The following OPRM1 variants were observed in gnomAD, a reference collection of about 807,000 sequenced individuals.
OPRM1 encodes mu-type opioid receptor.
Under a neutral mutation model 31.8 loss-of-function variants are expected in OPRM1, and 27 were observed. The ratio of observed to expected loss-of-function variants is 0.85; its 90% CI spans 0.63 to 1.17. The LOEUF (loss-of-function observed/expected upper bound fraction) is 1.17. Among genes scored for constraint, OPRM1 ranks in the 50% most tolerant of loss-of-function variants. The pLI, the probability that OPRM1 is intolerant of heterozygous loss-of-function variation, is 0.00. For missense variants in OPRM1, 536 were observed against 511.1 expected (o/e 1.05, Z -0.47); for synonymous variants, 196 against 189.9 (o/e 1.03, Z -0.26).
chr6:154,058,470 A>G (rs943268966), intron 1 of OPRM1, among the ~76,000 whole-genome samples: 2 of 152,230 alleles, frequency 1.3e-5, no homozygotes, highest in African/African-American at 4.8e-5. Flanking sequence ...TTTCAGAACA[A>G]TCACAGGTCA....
upstream of OPRM1, chr6:154,039,227 C>G (rs766256639): frequency 6.4e-7 from 1 of 1,551,746 alleles, no homozygotes; most frequent in Non-Finnish European, 8.7e-7. Context: ...GCAAAATCCA[C>G]CCCTTTTCCC....
chr6:154,107,968 A>G (rs534718488), intron 3 of OPRM1: 16 of 589,602 alleles, frequency 2.7e-5, no homozygotes, highest in African/African-American at 1.5e-4. Context: ...ATTTTATTTT[A>G]TTTTATTTTA....
rs1181947981 is a variant in OPRM1 at position 154,122,746 on chromosome 6, C to A, written c.*4025C>A. Among the ~76,000 whole-genome samples, 1 of 152,152 alleles carries A rather than the reference C, an allele frequency of 6.6e-6. No homozygotes were observed. The highest frequency in any genetic ancestry group is 1.9e-4 in the East Asian group (1 of 5,204). ...TTTTGTTATGCAATATCACCCATAT[C>A]AAATACCATTCTTAAAGCAGTAGAC... On this transcript the variant is annotated 3_prime_UTR_variant, in exon 4 of 4. Transcript: ENST00000330432.
At position 154,077,710 on chromosome 6, in the gene OPRM1, G is replaced by A. The variant is rs549781629; in HGVS notation, c.291-12116G>A. On this transcript the variant is annotated intron_variant, in intron 1 of 3. Coordinates refer to ENST00000330432, the MANE Select transcript of OPRM1 (RefSeq NM_000914.5). ...AGCACCACTGCACTCCAGCCTGGGC[G>A]ACAAAGTGAGATTCCATCTAAAAAA... Among the ~76,000 whole-genome samples, 419 of 151,864 alleles carry A rather than the reference G, an allele frequency of 2.8e-3. 10 individuals carry two copies. Among genetic ancestry groups the A allele is most frequent in the Non-Finnish European group, 5.4e-4 (37 of 67,942 alleles).
At chr6:154,066,939 T>G (rs1037424203) in intron 1 of OPRM1, among the ~76,000 whole-genome samples, 3 of 152,190 alleles carry the variant, frequency 2.0e-5, no homozygotes, top group Non-Finnish European at 4.4e-5. Context: ...TTCATCCAGA[T>G]TATCCAATTT....
intron 3 of OPRM1, chr6:154,110,496 T>A: frequency 1.2e-6 from 1 of 866,794 alleles, no homozygotes; most frequent in Non-Finnish European, 1.9e-6. Context: ...GGAGACCATT[T>A]GTGTGAGTTT....
chr6:154,174,226 T>C (rs1800111663), intron 3 of OPRM1, among the ~76,000 whole-genome samples: 2 of 152,094 alleles, frequency 1.3e-5, no homozygotes, highest in South Asian at 4.1e-4. Context: ...ACATGCCAAA[T>C]TGTAAAGACC....
chr6:154,138,469 G>C (rs1798113992), intron 3 of OPRM1, among the ~76,000 whole-genome samples: 1 of 152,168 alleles, frequency 6.6e-6, no homozygotes, highest in African/African-American at 2.4e-5. Flanking sequence ...AGTCCTCCCG[G>C]TAAGGCTCAT....
intron 3 of OPRM1, chr6:154,110,598 G>A (rs1342177540): frequency 9.2e-6 from 5 of 546,032 alleles, no homozygotes; most frequent in African/African-American, 5.8e-5. Flanking sequence ...TCAAGAATTA[G>A]GACTCATTGG....
chr6:154,115,291 G>A (rs2128521499), intron 3 of OPRM1, among the ~76,000 whole-genome samples: 1 of 152,334 alleles, frequency 6.6e-6, no homozygotes, highest in Middle Eastern at 3.4e-3. Context: ...TGTAATCCTA[G>A]CACTTTGGGA....
intron 3 of OPRM1, among the ~76,000 whole-genome samples, chr6:154,204,281 T>C (rs1407332870): frequency 6.6e-6 from 1 of 152,120 alleles, no homozygotes; most frequent in East Asian, 1.9e-4. Context: ...AAAAATAGTT[T>C]AAAATGGCCA....
At chr6:154,062,338 A>G (rs1784585437) in intron 1 of OPRM1, among the ~76,000 whole-genome samples, 1 of 152,118 alleles carries the variant, frequency 6.6e-6, no homozygotes, top group Non-Finnish European at 1.5e-5. Context: ...ATTTGTGGCT[A>G]AAAATGTTGT....
rs183484984 is a variant in OPRM1 at position 154,018,949 on chromosome 6, A to G, written c.-1+7931A>G. 9.1e-4 allele frequency among the ~76,000 whole-genome samples: 138 copies of G among 151,072 alleles called. 2 individuals carry two copies. In the East Asian group the frequency reaches 0.021, roughly 23 times the overall value. On this transcript the variant is annotated intron_variant, in intron 1 of 5. Transcript: ENST00000434900. ...ATATCACAAATTTCTTAACAATATTACTTTTTTTTATTTTTTAATTTCAGT... is the reference window on the plus strand; with the variant it reads ...ATATCACAAATTTCTTAACAATATTGCTTTTTTTTATTTTTTAATTTCAGT...
At chr6:154,077,182 C>CT (rs1562433717) in intron 1 of OPRM1, among the ~76,000 whole-genome samples, 1 of 152,116 alleles carries the variant, frequency 6.6e-6, no homozygotes, top group African/African-American at 2.4e-5. Flanking sequence ...TGCACATACT[C>CT]TATTTTCCCT....
At chr6:154,232,298 T>TA (rs1779785198) in intron 3 of OPRM1, among the ~76,000 whole-genome samples, 1 of 152,240 alleles carries the variant, frequency 6.6e-6, no homozygotes. Context: ...TTCTTCTAGA[T>TA]ATCAGAAGCA....
chr6:154,154,316 T>C (rs1798627106), intron 3 of OPRM1, among the ~76,000 whole-genome samples: 1 of 152,248 alleles, frequency 6.6e-6, no homozygotes, highest in Non-Finnish European at 1.5e-5. Flanking sequence ...TTTTATAATA[T>C]GCAAATTTTA....
In OPRM1 at chr6:154,128,372, T is replaced by G. The variant is rs1341475020; in HGVS notation, c.*9651T>G. On this transcript the variant is annotated 3_prime_UTR_variant, in exon 4 of 4. Transcript: ENST00000330432. ...AACTAAATCTTATCATAAGCAAATC[T>G]ATGCACCAAATTATTTAGTACAATT... 1.3e-5 allele frequency among the ~76,000 whole-genome samples: 2 copies of G among 152,242 alleles called. No individual in the cohort carries two copies. The highest frequency in any genetic ancestry group is 6.5e-5 in the Admixed American group (1 of 15,286).
chr6:154,111,749 TA>T, intron 3 of OPRM1, among the ~76,000 whole-genome samples: 1 of 78,702 alleles, frequency 1.3e-5, no homozygotes, highest in African/African-American at 5.1e-5. Context: ...AACTATAGTT[TA>T]TTTTTATTTA....
rs754293929 is a variant in OPRM1 at position 154,047,679 on chromosome 6, T to C, written c.290+7845T>C. ...GAGAGAGATCATTCTGTTCTGGATA[T>C]GTGTCTGTCCAGGCAAAAATGTTGT... On this transcript the variant is annotated intron_variant, in intron 1 of 3. Transcript: ENST00000330432. 3.9e-5 allele frequency among the ~76,000 whole-genome samples: 6 copies of C among 152,308 alleles called. No individual in the cohort carries two copies. In the Middle Eastern group the frequency reaches 0.01, roughly 259 times the overall value.
Sources: gnomAD v4.1 joint callset for allele counts (sites outside exome capture counted in the v4.1 genomes callset) on GRCh38, gnomAD v4.1.1 for gene constraint, MANE v1.5 for transcripts, NCBI Gene and HGNC (gene_info 2026-07-23, HGNC 2026-07-21) for gene names.